Variants in SPATA6 observed in about 807,000 individuals in gnomAD.
SPATA6 encodes the protein spermatogenesis associated 6.
In SPATA6, 56 loss-of-function variants were observed where a neutral mutation model predicts 65.3. The observed-to-expected ratio is 0.86, with a 90% CI of 0.69 to 1.07. The LOEUF is 1.07. SPATA6 is among the 50% of genes least tolerant of loss of function. SPATA6 has a pLI of 0.00. For missense variants in SPATA6, 590 were observed against 594.8 expected, an observed-to-expected ratio of 0.99 and a Z score of 0.08; for synonymous variants, 199 against 213.2, an observed-to-expected ratio of 0.93 and a Z score of 0.58.
chr1:48,426,467 T>C (rs1653848560), intron 3 of SPATA6, among the ~76,000 whole-genome samples: 1 of 151,818 alleles, frequency 6.6e-6, no homozygotes, highest in African/African-American at 2.4e-5. Context: ...AGAATAAAAC[T>C]TGAGCAGGAC....
At chr1:48,303,311 T>C (rs532172531) in intron 12 of SPATA6, among the ~76,000 whole-genome samples, 1 of 152,254 alleles carries the variant, frequency 6.6e-6, no homozygotes, top group South Asian at 2.1e-4. Context: ...TTGTGAAATA[T>C]ACAACAAATT....
chr1:48,325,637 A>T (rs1315945174), intron 11 of SPATA6: 11 of 694,340 alleles, frequency 1.6e-5, no homozygotes, highest in South Asian at 1.4e-4. Context: ...CAGGTTATCA[A>T]GCTTAGTTTC....
At chr1:48,289,386 G>A in the SPATA6 span, among the ~76,000 whole-genome samples, 1 of 152,200 alleles carries the variant, frequency 6.6e-6, no homozygotes, top group African/African-American at 2.4e-5. Flanking sequence ...AAACCACAAA[G>A]ATGGGGAGAA....
chr1:48,324,302 A>G (rs539205312), intron 11 of SPATA6, among the ~76,000 whole-genome samples: 4 of 152,244 alleles, frequency 2.6e-5, no homozygotes, highest in Admixed American at 6.5e-5. Flanking sequence ...TAAACAAACT[A>G]TTCCAAAAAA....
In SPATA6 at chr1:48,363,074, T is replaced by C. The variant is rs184015218; in HGVS notation, c.910-3304A>G. Among the ~76,000 whole-genome samples the C allele has an allele frequency of 2.6e-5, 4 of 152,216 alleles. No homozygotes were observed. The East Asian group carries it at 5.8e-4, about 22-fold the overall frequency. On this transcript the variant is annotated intron_variant, in intron 9 of 12. Coordinates refer to ENST00000371847, the MANE Select transcript of SPATA6 (RefSeq NM_019073.4). ...AATGAGAAAGGAAATTAGAGCTAAA[T>C]AGACATGAAGTAATTGCGCAATGGG...
intron 9 of SPATA6, among the ~76,000 whole-genome samples, chr1:48,378,255 C>A (rs1041775090): frequency 6.6e-6 from 1 of 152,128 alleles, no homozygotes; most frequent in Non-Finnish European, 1.5e-5. Flanking sequence ...GGGCAGGCAG[C>A]ATGGGGAACA....
At chr1:48,385,069 GACTA>G (rs1341457655) in intron 9 of SPATA6, among the ~76,000 whole-genome samples, 1 of 151,948 alleles carries the variant, frequency 6.6e-6, no homozygotes, top group Non-Finnish European at 1.5e-5. Flanking sequence ...CATAAACATA[GACTA>G]ACATATTCAA....
chr1:48,291,696 TCA>T (rs1218635026), downstream of SPATA6, among the ~76,000 whole-genome samples: 1 of 152,228 alleles, frequency 6.6e-6, no homozygotes, highest in Non-Finnish European at 1.5e-5. Flanking sequence ...GCAAGCGGAC[TCA>T]CAGTTCCTTG....
chr1:48,400,139 C>T (rs1429216674), intron 6 of SPATA6, among the ~76,000 whole-genome samples: 2 of 151,768 alleles, frequency 1.3e-5, no homozygotes, highest in East Asian at 1.9e-4. Flanking sequence ...TATATCTGTA[C>T]AACACAAAAA....
intron 11 of SPATA6, among the ~76,000 whole-genome samples, chr1:48,332,323 G>T (rs1645939719): frequency 6.6e-6 from 1 of 152,160 alleles, no homozygotes; most frequent in Non-Finnish European, 1.5e-5. Context: ...CCAATAGTAT[G>T]CTGTCTTCAA....
At chr1:48,335,075 C>G (rs1446758285) in intron 11 of SPATA6, among the ~76,000 whole-genome samples, 1 of 151,808 alleles carries the variant, frequency 6.6e-6, no homozygotes, top group Non-Finnish European at 1.5e-5. Flanking sequence ...TATGGCTAAG[C>G]AGGGAGGTGA....
At chr1:48,311,762 G>C (rs1645216933) in intron 11 of SPATA6, among the ~76,000 whole-genome samples, 2 of 152,198 alleles carry the variant, frequency 1.3e-5, no homozygotes, top group Admixed American at 1.3e-4. Flanking sequence ...AGCCGAAGCA[G>C]GGCAAGGCAT....
At chr1:48,400,882 C>T in intron 6 of SPATA6, 1 of 1,225,058 alleles carries the variant, frequency 8.2e-7, no homozygotes, top group Non-Finnish European at 1.1e-6. Flanking sequence ...ATTTTTCTAC[C>T]ATATCCATTT....
intron 12 of SPATA6, among the ~76,000 whole-genome samples, chr1:48,303,786 T>C (rs1265965474): frequency 6.6e-6 from 1 of 152,154 alleles, no homozygotes; most frequent in Non-Finnish European, 1.5e-5. Context: ...ACCAGTAGAT[T>C]TTCTTGATAA....
chr1:48,281,688 TACAA>T, the SPATA6 span, among the ~76,000 whole-genome samples: 1 of 151,344 alleles, frequency 6.6e-6, no homozygotes, highest in Non-Finnish European at 1.5e-5. Flanking sequence ...TAAAAGAGGA[TACAA>T]ACAAATGGAA....
chr1:48,330,995 T>C (rs1432984076), intron 11 of SPATA6, among the ~76,000 whole-genome samples: 1 of 152,068 alleles, frequency 6.6e-6, no homozygotes, highest in Non-Finnish European at 1.5e-5. Flanking sequence ...AGTAGTAGAC[T>C]AGAATAGAAG....
intron 8 of SPATA6, chr1:48,393,447 A>G (rs1401749372): frequency 6.6e-6 from 1 of 152,204 alleles, no homozygotes; most frequent in African/African-American, 2.4e-5. Context: ...ACTAATCCAT[A>G]TTAAAGAAAA....
At chr1:48,372,153 A>G (rs765337394) in intron 9 of SPATA6, among the ~76,000 whole-genome samples, 7 of 152,046 alleles carry the variant, frequency 4.6e-5, no homozygotes, top group Admixed American at 1.3e-4. Context: ...TTTAGCATTA[A>G]CCCAAAAGTC....
At chr1:48,348,842 G>A (rs1028026253) in intron 11 of SPATA6, among the ~76,000 whole-genome samples, 1 of 151,978 alleles carries the variant, frequency 6.6e-6, no homozygotes, top group Non-Finnish European at 1.5e-5. Flanking sequence ...ACATCACAGA[G>A]TTCATTCTAG....
Sources: allele counts gnomAD v4.1 joint callset (sites outside exome capture counted in the v4.1 genomes callset), GRCh38; gene constraint gnomAD v4.1.1; transcripts MANE v1.5; gene names NCBI Gene and HGNC (gene_info 2026-07-23, HGNC 2026-07-21).